The following ERN1 variants were observed in gnomAD, a reference collection of about 807,000 sequenced individuals.
ERN1 encodes the protein serine/threonine-protein kinase/endoribonuclease IRE1.
A neutral mutation model predicts 113.1 loss-of-function variants in ERN1; 39 were observed. That is an observed-to-expected ratio of 0.34 (90% CI 0.27 to 0.45). ERN1 has a LOEUF of 0.45. Among genes scored for constraint, ERN1 ranks in the 20% least tolerant of loss-of-function variants. The pLI is 1.00. For missense variants in ERN1, 976 were observed against 1,274.8 expected (o/e 0.77, Z 3.57); for synonymous variants, 507 against 515.9 (o/e 0.98, Z 0.23).
chr17:64,045,450 C>T lies in ERN1; in HGVS notation c.2562G>A (p.Leu854=). The change falls in exon 20 of 22, where the codon CTG becomes CTA. Residue 854 remains leucine, a synonymous_variant. Transcript: ENST00000433197. ...CTAACTGCTTCACGATCGGGCCATC[C>T]AGGGATTCCTTTTCTATTCTGTCGC... ...DVSDRIEKES[L]DGPIVKQLER... is the part of the protein sequence containing the mutation. The T allele has an allele frequency of 1.2e-6, 2 of 1,613,976 alleles. No individual in the cohort carries two copies. Among genetic ancestry groups the T allele is most frequent in the Non-Finnish European group, 1.7e-6 (2 of 1,179,880 alleles).
chr17:64,040,735 C>T lies in ERN1; in HGVS notation c.*3253G>A, dbSNP rs1912311148. 6.6e-6 allele frequency: 1 copy of T among 152,184 alleles called. No individual in the cohort carries two copies. The highest frequency in any genetic ancestry group is 2.1e-4 in the South Asian group (1 of 4,830). 9.4% of individuals were successfully genotyped at this position (152,184 alleles called of 1,614,324 possible). Reference sequence around the variant, plus strand: ...TGAGAACACGGCGGGAGTGAGAACACCTGCGCACCCAGGATTTCACACTTA... The same window carrying T: ...TGAGAACACGGCGGGAGTGAGAACATCTGCGCACCCAGGATTTCACACTTA... On this transcript the variant is annotated 3_prime_UTR_variant, in exon 22 of 22. Transcript: ENST00000433197.
rs544391320 is a variant in ERN1 at position 64,082,078 on chromosome 17, G to A, written c.176-1270C>T. Among the ~76,000 whole-genome samples the A allele has an allele frequency of 6.6e-5, 10 of 152,242 alleles. No individual in the cohort carries two copies. The East Asian group carries it at 1.3e-3, about 21-fold the overall frequency. On this transcript the variant is annotated intron_variant, in intron 2 of 21. Transcript: ENST00000433197. ...GTAGGCTCTGCTTATGGTGACAGAC[G>A]GCTGTCCAATCCATCCAATTATTGG... is the stretch of plus-strand genomic sequence containing the variant.
At chr17:64,095,900 C>T (rs998051740) in intron 2 of ERN1, among the ~76,000 whole-genome samples, 2 of 152,196 alleles carry the variant, frequency 1.3e-5, no homozygotes, top group African/African-American at 4.8e-5. Context: ...TTACCTCTGA[C>T]ACCCCACTTC....
chr17:64,106,030 T>C (rs1452826157), intron 1 of ERN1, among the ~76,000 whole-genome samples: 2 of 151,496 alleles, frequency 1.3e-5, no homozygotes, highest in African/African-American at 4.8e-5. Flanking sequence ...GCAAGGACAA[T>C]AGAATATCAT....
At chr17:64,108,104 G>A (rs1914577660) in intron 1 of ERN1, among the ~76,000 whole-genome samples, 1 of 152,004 alleles carries the variant, frequency 6.6e-6, no homozygotes, top group South Asian at 2.1e-4. Flanking sequence ...TAAACTTTCA[G>A]TGTTTGTGGC....
chr17:64,130,012 C>A lies in ERN1; in HGVS notation c.18G>T (p.Leu6=). MPARR[L]LLLLTLLLPG... is the part of the protein sequence containing the mutation. ...GCAGCAGCAGCGTCAGCAGCAGCAG[C>A]AGCCGCCGGGCCGGCATGGCGAGGA... is the stretch of plus-strand genomic sequence containing the variant. Residue 6 remains leucine (L), a synonymous_variant, in exon 1 of 22, where the codon CTG becomes CTT. Coordinates refer to ENST00000433197, the MANE Select transcript of ERN1 (RefSeq NM_001433.5). This position sits in a 1 kb window ranked among gnomAD's most constrained non-coding sequence, Gnocchi z 4.0. The A allele has an allele frequency of 7.0e-7, 1 of 1,438,814 alleles. No homozygotes were observed. The allele number at this position is 1,438,814 out of a possible 1,614,324, so 89.1% of individuals were successfully genotyped here.
rs1157646817 is a variant in ERN1 at position 64,044,131 on chromosome 17, A to G, written c.2791T>C (p.Cys931Arg). The change falls in exon 22 of 22, where the codon TGC becomes CGC. Residue 931 changes from cysteine to arginine, a missense_variant. Around this residue, in one of 5 missense-constraint regions of ERN1, gnomAD observed 92 missense variants for 87.3 expected, o/e 1.05. Transcript: ENST00000433197. This position sits in a 1 kb window ranked among gnomAD's most constrained non-coding sequence, Gnocchi z 4.1. ...TGGGGGAAGCGAGATGTGAAGTAGC[A>G]CACGAAGTCGTCGGGGAGGGACCCC... ...TLGSLPDDFV[C>R]YFTSRFPHLL... The G allele has an allele frequency of 2.5e-6, 4 of 1,608,854 alleles. No individual in the cohort carries two copies. Among genetic ancestry groups the G allele is most frequent in the Non-Finnish European group, 3.4e-6 (4 of 1,177,066 alleles).
At position 64,064,089 on chromosome 17, in the gene ERN1, G is replaced by C. The variant is rs1158668332; in HGVS notation, c.984C>G (p.Asp328Glu). The C allele has an allele frequency of 6.2e-7, 1 of 1,612,852 alleles. No homozygotes were observed. The highest frequency in any genetic ancestry group is 8.5e-7 in the Non-Finnish European group (1 of 1,179,362). The part of the protein sequence containing the change: ...GPQTDGVTIG[D>E]KGECVITPST... The stretch of plus-strand genomic sequence containing the variant: ...TGGGCGTGATCACACACTCCCCCTT[G>C]TCCCCAATGGTGACGCCATCAGTCT... Residue 328 changes from aspartate to glutamate, a missense_variant, in exon 10 of 22, where the codon GAC becomes GAG. By Grantham distance (45) the Asp-to-Glu change is conservative. Transcript: ENST00000433197.
At chr17:64,090,644 C>T (rs1598073018) in intron 2 of ERN1, among the ~76,000 whole-genome samples, 2 of 152,314 alleles carry the variant, frequency 1.3e-5, no homozygotes. Context: ...CCAACACACA[C>T]CAACCAATGC....
intron 2 of ERN1, 185 bp downstream of exon 2, chr17:64,097,936 G>C: frequency 1.4e-6 from 1 of 697,692 alleles, no homozygotes; most frequent in Non-Finnish European, 2.3e-6. Flanking sequence ...GCACTTAGTG[G>C]ATAACCACAG....
chr17:64,062,213 C>T (rs1372616605), intron 10 of ERN1, among the ~76,000 whole-genome samples: 1 of 152,268 alleles, frequency 6.6e-6, no homozygotes. Flanking sequence ...GCCTAGTTAA[C>T]TAAGCTCTGA....
intron 1 of ERN1, among the ~76,000 whole-genome samples, chr17:64,116,240 A>G (rs954857965): frequency 2.0e-5 from 3 of 152,168 alleles, no homozygotes; most frequent in Admixed American, 6.5e-5. Flanking sequence ...TCTTCTGCCA[A>G]CCACAAATCA....
At chr17:64,117,863 C>T (rs1282220598) in intron 1 of ERN1, among the ~76,000 whole-genome samples, 2 of 152,160 alleles carry the variant, frequency 1.3e-5, no homozygotes, top group South Asian at 2.1e-4. Context: ...AATGTATTTA[C>T]CATGCTGTTG....
At chr17:64,070,705 A>G (rs74380806) in intron 6 of ERN1, among the ~76,000 whole-genome samples, 13,742 of 152,270 alleles carry the variant, frequency 0.09, 672 homozygotes, top group African/African-American at 0.1. Context: ...CTGAAAGTTT[A>G]GACCTAAATG....
rs892124370 is a variant in ERN1 at position 64,040,348 on chromosome 17, G to C, written c.*3640C>G. 6.6e-6 allele frequency: 1 copy of C among 152,198 alleles called. No homozygotes were observed. Among genetic ancestry groups the C allele is most frequent in the African/African-American group, 2.4e-5 (1 of 41,418 alleles). 9.4% of individuals were successfully genotyped at this position (152,198 alleles called of 1,614,324 possible). A position where few individuals can be genotyped will look rare whatever the true frequency, so the allele number is the denominator to read the frequency against. On this transcript the variant is annotated 3_prime_UTR_variant, in exon 22 of 22. Transcript: ENST00000433197. ...AATGGGCACACCATGAGGACCCAAG[G>C]AAAGGACAGAGAAAGGAACGGCTCT...
At chr17:64,052,175 G>A (rs1026432917) in intron 17 of ERN1, among the ~76,000 whole-genome samples, 1 of 152,112 alleles carries the variant, frequency 6.6e-6, no homozygotes, top group Non-Finnish European at 1.5e-5. Context: ...GCAAAATAGC[G>A]AGATCGCACT....
chr17:64,058,628 A>T (rs893044163), intron 11 of ERN1, among the ~76,000 whole-genome samples: 1 of 152,186 alleles, frequency 6.6e-6, no homozygotes, highest in African/African-American at 2.4e-5. Flanking sequence ...AGTTCCTCAG[A>T]ATCTCTAAGA....
chr17:64,102,362 G>C (rs930412451), intron 1 of ERN1, among the ~76,000 whole-genome samples: 1 of 152,204 alleles, frequency 6.6e-6, no homozygotes, highest in Non-Finnish European at 1.5e-5. Flanking sequence ...AAAGTTTAGA[G>C]AGAAGCTGAA....
Position 64,043,315 on chromosome 17 carries a change from C to G in ERN1, c.*673G>C, listed in dbSNP as rs1263215777. 1 of 152,618 alleles carries G rather than the reference C, an allele frequency of 6.6e-6. No homozygotes were observed. The highest frequency in any genetic ancestry group is 1.5e-5 in the Non-Finnish European group (1 of 68,264). The allele number at this position is 152,618 out of a possible 1,614,324, so 9.5% of individuals were successfully genotyped here. A position where few individuals can be genotyped will look rare whatever the true frequency, so the allele number is the denominator to read the frequency against. On this transcript the variant is annotated 3_prime_UTR_variant, in exon 22 of 22. Coordinates refer to ENST00000433197, the MANE Select transcript of ERN1 (RefSeq NM_001433.5). ...CACGGCTGCCTCCAGAACAGAGCAG[C>G]CTCTTCATTTCTGAGACCTGCAGAC...
Sources: allele counts gnomAD v4.1 joint callset (sites outside exome capture counted in the v4.1 genomes callset), GRCh38; gene constraint gnomAD v4.1.1; regional missense constraint gnomAD v4.1.1; non-coding constraint Gnocchi (gnomAD v3.1); transcripts MANE v1.5; gene names NCBI Gene and HGNC (gene_info 2026-07-23, HGNC 2026-07-21).